Variants in CNTN2 observed in about 807,000 individuals in gnomAD.
CNTN2 encodes the protein contactin 2.
In CNTN2, 53 loss-of-function variants were observed where a neutral mutation model predicts 117.5. The observed-to-expected ratio is 0.45, with a 90% CI of 0.36 to 0.57. The LOEUF is 0.57. Among genes scored for constraint, CNTN2 ranks in the 20% least tolerant of loss-of-function variants. The probability of loss-of-function intolerance (pLI) is 0.00; values close to 1 mark genes in which losing one functional copy is unlikely to be tolerated. For missense variants in CNTN2, 1,106 were observed against 1,404.3 expected, an observed-to-expected ratio of 0.79 and a Z score of 3.39; for synonymous variants, 530 against 561.7, an observed-to-expected ratio of 0.94 and a Z score of 0.80.
At position 205,058,200 on chromosome 1, in the gene CNTN2, G is replaced by A. The variant is rs377098737; in HGVS notation, c.235G>A (p.Glu79Lys). 1.0e-4 allele frequency: 161 copies of A among 1,584,692 alleles called. No homozygotes were observed. The highest frequency in any genetic ancestry group is 1.3e-4 in the Non-Finnish European group (149 of 1,165,666). The change falls in exon 4 of 23, where the codon GAG becomes AAG. Residue 79 changes from glutamate to lysine, a missense_variant. By Grantham distance (56) the Glu-to-Lys change is moderately conservative. Transcript: ENST00000331830. The surrounding 1 kb of genome is among the most constrained non-coding windows in gnomAD (Gnocchi z 4.3). ...CTGCAGGTGGAAGATGAATGGTACC[G>A]AGATGAAGCTGGAGCCAGGTTCCCG... ...ATYRWKMNGT[E>K]MKLEPGSRHQ...
chr1:205,070,031 C>G lies in CNTN2; in HGVS notation c.2401C>G (p.Leu801Val). The change falls in exon 18 of 23, where the codon CTC becomes GTC. Residue 801 changes from leucine to valine, a missense_variant. By Grantham distance (32) the Leu-to-Val change is conservative. Coordinates refer to ENST00000331830, the MANE Select transcript of CNTN2 (RefSeq NM_005076.5). ...CCGCCGCGGGGATGGGCCCGAGAGC[C>G]TCACTGCACTCGTGTACTCAGCTGA... ...YNRRGDGPES[L>V]TALVYSAEEE... 1.2e-6 allele frequency: 2 copies of G among 1,613,842 alleles called. No homozygotes were observed. Among genetic ancestry groups the G allele is most frequent in the Middle Eastern group, 3.3e-4 (2 of 6,062 alleles).
chr1:205,064,559 G>C (rs879240367), intron 11 of CNTN2, 64 bp from the exon 12 acceptor site: 3 of 1,601,510 alleles, frequency 1.9e-6, no homozygotes, highest in Non-Finnish European at 2.6e-6. Flanking sequence ...ACAGTCACAG[G>C]AGTTGGCCAG....
rs1574665042 is a variant in CNTN2 at position 205,073,590 on chromosome 1, A to G, written c.3014-66A>G. On this transcript the variant is annotated intron_variant, in intron 22 of 22. Coordinates refer to ENST00000331830, the MANE Select transcript of CNTN2 (RefSeq NM_005076.5). This position sits in a 1 kb window ranked among gnomAD's most constrained non-coding sequence, Gnocchi z 6.3. ...GTGAGTCTCCTTAGGAAAGGTCTCA[A>G]TCTTGCCACAAGGGTGGGGCTAGGG... 6 of 1,449,970 alleles carry G rather than the reference A, an allele frequency of 4.1e-6. No individual in the cohort carries two copies. The East Asian group carries it at 1.4e-4, about 34-fold the overall frequency. The allele number at this position is 1,449,970 out of a possible 1,614,324, so 89.8% of individuals were successfully genotyped here.
intron 10 of CNTN2, chr1:205,063,334 A>G (rs981065435): frequency 7.9e-5 from 12 of 152,244 alleles, no homozygotes; most frequent in African/African-American, 2.7e-4. Context: ...TATAGTATAA[A>G]GAAAATCCAG....
Position 205,061,967 on chromosome 1 carries a change from G to T in CNTN2, c.1076G>T (p.Arg359Leu). ...GCCGGCAAGCCCCGGCCTACAGTGC[G>T]CTGGCTGCGGAACGGGGAGCCTCTG... is the stretch of plus-strand genomic sequence containing the variant. ...AAAGKPRPTV[R>L]WLRNGEPLAS... The change falls in exon 9 of 23, where the codon CGC (arginine) becomes CTC (leucine). Residue 359 changes from arginine to leucine, a missense_variant. Arg to Leu is a moderately radical substitution (Grantham distance 102). Coordinates refer to ENST00000331830, the MANE Select transcript of CNTN2 (RefSeq NM_005076.5). The surrounding 1 kb of genome is among the most constrained non-coding windows in gnomAD (Gnocchi z 4.8). 1 of 1,613,110 alleles carries T rather than the reference G, an allele frequency of 6.2e-7. No individual in the cohort carries two copies. Among genetic ancestry groups the T allele is most frequent in the Non-Finnish European group, 8.5e-7 (1 of 1,179,626 alleles).
rs1321226803 is a variant in CNTN2 at position 205,071,984 on chromosome 1, C to T, written c.2582C>T (p.Ala861Val). The part of the protein sequence containing the change: ...YWKAGDKEAA[A>V]DRVRTAGLDT... ...AAAGCTGGGGACAAAGAAGCAGCTG[C>T]GGACCGAGTGAGGACAGCAGGGCTG... The change falls in exon 20 of 23, where the codon GCG becomes GTG. Residue 861 changes from alanine to valine, a missense_variant. By Grantham distance (64) the Ala-to-Val change is moderately conservative. Coordinates refer to ENST00000331830, the MANE Select transcript of CNTN2 (RefSeq NM_005076.5). 1.2e-6 allele frequency: 2 copies of T among 1,613,646 alleles called. No homozygotes were observed. The highest frequency in any genetic ancestry group is 1.7e-6 in the Non-Finnish European group (2 of 1,179,872).
Position 205,043,287 on chromosome 1 carries a change from G to A in CNTN2, c.-194G>A, listed in dbSNP as rs1006134449. ...GGACAGCGAGCGGCTGAGGCCGCCA[G>A]GGCCCAAAGGACAGCGGCCCAGACA... On this transcript the variant is annotated 5_prime_UTR_variant, in exon 1 of 23. Coordinates refer to ENST00000331830, the MANE Select transcript of CNTN2 (RefSeq NM_005076.5). 5 of 152,524 alleles carry A rather than the reference G, an allele frequency of 3.3e-5. No homozygotes were observed. Among genetic ancestry groups the A allele is most frequent in the African/African-American group, 1.2e-4 (5 of 41,456 alleles). 9.4% of individuals were successfully genotyped at this position (152,524 alleles called of 1,614,324 possible). A position where few individuals can be genotyped will look rare whatever the true frequency, so the allele number is the denominator to read the frequency against.
In CNTN2 at chr1:205,074,634, C is replaced by T; in HGVS notation, c.*869C>T. 1 of 399,110 alleles carries T rather than the reference C, an allele frequency of 2.5e-6. No individual in the cohort carries two copies. The highest frequency in any genetic ancestry group is 4.4e-5 in the Admixed American group (1 of 22,744). 24.7% of individuals were successfully genotyped at this position (399,110 alleles called of 1,614,324 possible). A position where few individuals can be genotyped will look rare whatever the true frequency, so the allele number is the denominator to read the frequency against. On this transcript the variant is annotated 3_prime_UTR_variant, in exon 23 of 23. Coordinates refer to ENST00000331830, the MANE Select transcript of CNTN2 (RefSeq NM_005076.5). Reference sequence around the variant, plus strand: ...CCACCCCTCCAAGACCCATTCTGCACAGTCCCTCCAGGGTTTGGGCAGGAG... The same window carrying T: ...CCACCCCTCCAAGACCCATTCTGCATAGTCCCTCCAGGGTTTGGGCAGGAG...
In CNTN2 at chr1:205,073,109, C is replaced by A; in HGVS notation, c.2886C>A (p.His962Gln). The change falls in exon 22 of 23, where the codon CAC (histidine) becomes CAA (glutamine). Residue 962 changes from histidine (H) to glutamine (Q), a missense_variant. Coordinates refer to ENST00000331830, the MANE Select transcript of CNTN2 (RefSeq NM_005076.5). The surrounding 1 kb of genome is among the most constrained non-coding windows in gnomAD (Gnocchi z 6.3). ...ACTTACACCTGACTCCCACGCTCCA[C>A]CTCACCGGCAAGAACTGGATAGAAA... ...QNDLHLTPTL[H>Q]LTGKNWIEIP... 2 of 1,614,186 alleles carry A rather than the reference C, an allele frequency of 1.2e-6. No individual in the cohort carries two copies. The highest frequency in any genetic ancestry group is 1.1e-5 in the South Asian group (1 of 91,082).
chr1:205,047,340 G>T (rs141081226), intron 1 of CNTN2, among the ~76,000 whole-genome samples: 1 of 151,996 alleles, frequency 6.6e-6, no homozygotes. Context: ...CCTCACCCAC[G>T]CCACCACAGA....
rs969722522 is a variant in CNTN2, at chr1:205,048,960, T to C, written c.-86-4140T>C. Among the ~76,000 whole-genome samples the C allele has an allele frequency of 2.5e-5, 3 of 120,054 alleles. No individual in the cohort carries two copies. Among genetic ancestry groups the C allele is most frequent in the Non-Finnish European group, 5.3e-5 (3 of 56,810 alleles). 78.8% of individuals were successfully genotyped at this position (120,054 alleles called of 152,430 possible). A position where few individuals can be genotyped will look rare whatever the true frequency, so the allele number is the denominator to read the frequency against. On this transcript the variant is annotated intron_variant, in intron 1 of 22. Transcript: ENST00000331830. This position sits in a 1 kb window ranked among gnomAD's most constrained non-coding sequence, Gnocchi z 4.1. ...GTGTGTGTGTGTGTGTGTGTGTGTG[T>C]TCACCCAAGGCTGTGGCACACAATG... is the stretch of plus-strand genomic sequence containing the variant.
At chr1:205,070,663 C>T in intron 19 of CNTN2, 125 bp downstream of exon 19, 1 of 694,330 alleles carries the variant, frequency 1.4e-6, no homozygotes, top group Non-Finnish European at 2.5e-6. Flanking sequence ...GCAAACTGAG[C>T]ATCCAGTCTG....
chr1:205,062,635 G>C (rs563230395), intron 10 of CNTN2, 66 bp downstream of exon 10: 19 of 1,547,834 alleles, frequency 1.2e-5, no homozygotes, highest in Non-Finnish European at 4.4e-6. Context: ...AGAGCTCTGA[G>C]TTTAGGTGTT....
rs754219304 is a variant in CNTN2, at chr1:205,058,391, AG to A, written c.391+40del. 6.7e-7 allele frequency: 1 copy of A among 1,494,858 alleles called. No individual in the cohort carries two copies. Among genetic ancestry groups the A allele is most frequent in the Non-Finnish European group, 9.0e-7 (1 of 1,105,052 alleles). The allele number at this position is 1,494,858 out of a possible 1,614,324, so 92.6% of individuals were successfully genotyped here. On this transcript the variant is annotated intron_variant, in intron 4 of 22. Transcript: ENST00000331830. This position sits in a 1 kb window ranked among gnomAD's most constrained non-coding sequence, Gnocchi z 4.3. ...GCGGGGGACCAAGACACTTTGGGGG[AG>A]GGGGAGAGGGGGCTAGGAGAAATTA...
intron 2 of CNTN2, among the ~76,000 whole-genome samples, chr1:205,056,848 A>T (rs921296646): frequency 1.3e-5 from 2 of 152,156 alleles, no homozygotes; most frequent in Admixed American, 1.3e-4. Context: ...CAGGACAATG[A>T]TGCATGAAGA....
intron 2 of CNTN2, 76 bp downstream of exon 2, chr1:205,053,331 C>A: frequency 8.0e-7 from 1 of 1,246,758 alleles, no homozygotes; most frequent in Non-Finnish European, 1.1e-6. Flanking sequence ...ATTTGGGTGA[C>A]GATTACAGAA....
intron 1 of CNTN2, among the ~76,000 whole-genome samples, chr1:205,051,729 A>G (rs1371548807): frequency 6.6e-6 from 1 of 152,136 alleles, no homozygotes; most frequent in Admixed American, 6.5e-5. Context: ...TTGGGTGCCA[A>G]CTGTGGCTGT....
chr1:205,070,145 C>A, intron 18 of CNTN2, 84 bp downstream of exon 18: 1 of 1,348,046 alleles, frequency 7.4e-7, no homozygotes, highest in Non-Finnish European at 1.0e-6. Context: ...CTACTCATCT[C>A]CCAGCTCAGT....
At chr1:205,066,048 T>A (rs905769266) in intron 14 of CNTN2, 139 bp downstream of exon 14, 113 of 1,046,908 alleles carry the variant, frequency 1.1e-4, no homozygotes, top group Non-Finnish European at 1.5e-4. Context: ...GTGAGCTGGA[T>A]ATACCCTGTG....
Sources: allele counts gnomAD v4.1 joint callset (sites outside exome capture counted in the v4.1 genomes callset), GRCh38; gene constraint gnomAD v4.1.1; non-coding constraint Gnocchi (gnomAD v3.1); transcripts MANE v1.5; gene names NCBI Gene and HGNC (gene_info 2026-07-23, HGNC 2026-07-21).